The following COL14A1 variants were observed in gnomAD, a reference collection of about 807,000 sequenced individuals.
COL14A1 encodes the protein collagen alpha-1(XIV) chain.
COL14A1 carries 136 observed loss-of-function variants against 230.3 expected under a neutral mutation model. That is an observed-to-expected ratio of 0.59 (90% CI 0.51 to 0.68). The LOEUF is 0.68. Among genes scored for constraint, COL14A1 ranks in the 30% least tolerant of loss-of-function variants. COL14A1 has a pLI of 0.00. For missense variants in COL14A1, 1,976 were observed against 2,215.8 expected (o/e 0.89, Z 2.17); for synonymous variants, 792 against 784.1 (o/e 1.01, Z -0.17).
At chr8:120,176,870 C>T (rs1252331317) in intron 5 of COL14A1, among the ~76,000 whole-genome samples, 1 of 152,120 alleles carries the variant, frequency 6.6e-6, no homozygotes, top group Non-Finnish European at 1.5e-5. Context: ...CTTCCTCCCA[C>T]TTTCTCCTCC....
chr8:120,224,762 C>T (rs139218344), intron 14 of COL14A1, among the ~76,000 whole-genome samples: 16 of 152,274 alleles, frequency 1.1e-4, no homozygotes, highest in Admixed American at 5.9e-4. Flanking sequence ...GGAGAGCCCA[C>T]GCAGTGAAGC....
chr8:120,226,519 T>G, intron 15 of COL14A1, 108 bp from the exon 16 acceptor site: 1 of 1,209,730 alleles, frequency 8.3e-7, no homozygotes. Context: ...TGTGCTTTCC[T>G]AAAGCAAAAG....
intron 25 of COL14A1, among the ~76,000 whole-genome samples, chr8:120,268,758 A>G (rs1819573412): frequency 6.6e-6 from 1 of 151,766 alleles, no homozygotes; most frequent in African/African-American, 2.4e-5. Context: ...TAACTCCTTC[A>G]TGCATGTGGA....
intron 14 of COL14A1, 134 bp downstream of exon 14, chr8:120,216,624 G>A (rs1817759712): frequency 2.1e-6 from 2 of 930,236 alleles, no homozygotes; most frequent in African/African-American, 1.7e-5. Context: ...GTTCCTGTAT[G>A]TAGGTCAGGA....
intron 19 of COL14A1, 74 bp downstream of exon 19, chr8:120,231,692 C>G: frequency 6.8e-7 from 1 of 1,464,092 alleles, no homozygotes; most frequent in Non-Finnish European, 9.3e-7. Flanking sequence ...CTTCGGAGAT[C>G]AATGCAAACT....
At chr8:120,187,066 A>G (rs542268349) in intron 5 of COL14A1, among the ~76,000 whole-genome samples, 1 of 152,228 alleles carries the variant, frequency 6.6e-6, no homozygotes, top group Non-Finnish European at 1.5e-5. Flanking sequence ...AAGGATGAAT[A>G]GGAGTTTACC....
At chr8:120,178,441 G>A (rs1305246112) in intron 5 of COL14A1, among the ~76,000 whole-genome samples, 5 of 152,192 alleles carry the variant, frequency 3.3e-5, no homozygotes, top group Non-Finnish European at 7.3e-5. Context: ...GTTCCATGGT[G>A]TATATGTGCC....
chr8:120,203,958 A>T, intron 9 of COL14A1, 88 bp downstream of exon 9: 1 of 1,399,892 alleles, frequency 7.1e-7, no homozygotes, highest in South Asian at 1.5e-5. Flanking sequence ...TTCATTTTTC[A>T]TGTTGGCTTT....
At position 120,206,928 on chromosome 8, in the gene COL14A1, G is replaced by T. The variant is rs1586765705; in HGVS notation, c.1040-15G>T. On this transcript the variant is annotated splice_polypyrimidine_tract_variant and intron_variant, in intron 9 of 47. Coordinates refer to ENST00000297848, the MANE Select transcript of COL14A1 (RefSeq NM_021110.4). Reference sequence around the variant, plus strand: ...TTTGGGTAAGAGGTTTATTTGATATGTTTTTTTAATTTAGCCTCAGCCCAT... The same window carrying T: ...TTTGGGTAAGAGGTTTATTTGATATTTTTTTTTAATTTAGCCTCAGCCCAT... The T allele has an allele frequency of 6.3e-7, 1 of 1,588,138 alleles. No homozygotes were observed. Among genetic ancestry groups the T allele is most frequent in the Non-Finnish European group, 8.5e-7 (1 of 1,172,014 alleles).
At chr8:120,335,913 A>T (rs904331707) in intron 42 of COL14A1, among the ~76,000 whole-genome samples, 10 of 152,218 alleles carry the variant, frequency 6.6e-5, no homozygotes, top group African/African-American at 2.4e-4. Flanking sequence ...TCATTGAAAG[A>T]GTATTGCATT....
intron 41 of COL14A1, 50 bp from the exon 42 acceptor site, chr8:120,332,614 T>G: frequency 3.2e-3 from 4,761 of 1,466,844 alleles, no homozygotes; most frequent in Non-Finnish European, 4.1e-3. Context: ...CTGTCATTGA[T>G]GAGAATGTGT....
At chr8:120,347,781 T>C (rs1822574590) in intron 45 of COL14A1, among the ~76,000 whole-genome samples, 1 of 152,234 alleles carries the variant, frequency 6.6e-6, no homozygotes. Context: ...GTGTTGTTTT[T>C]TTCTGCTGTA....
intron 40 of COL14A1, among the ~76,000 whole-genome samples, chr8:120,321,910 A>G (rs1229646620): frequency 2.0e-5 from 3 of 152,124 alleles, no homozygotes; most frequent in Admixed American, 6.5e-5. Flanking sequence ...TTAAAAGCTT[A>G]ATGATTCTGA....
chr8:120,345,133 A>T (rs1822453462), intron 44 of COL14A1, among the ~76,000 whole-genome samples: 1 of 152,222 alleles, frequency 6.6e-6, no homozygotes, highest in African/African-American at 2.4e-5. Flanking sequence ...TGAGATGCTG[A>T]CATGAGCTGC....
intron 44 of COL14A1, among the ~76,000 whole-genome samples, chr8:120,345,114 G>A (rs751573165): frequency 1.3e-4 from 20 of 152,166 alleles, no homozygotes; most frequent in Non-Finnish European, 2.8e-4. Flanking sequence ...TCTGCTCAGT[G>A]ATGTTTATTG....
Position 120,285,890 on chromosome 8 carries a change from T to C in COL14A1, c.3997T>C (p.Tyr1333His). 1 of 1,609,036 alleles carries C rather than the reference T, an allele frequency of 6.2e-7. No individual in the cohort carries two copies. The change falls in exon 33 of 48, where the codon TAT becomes CAT. Residue 1333 changes from tyrosine (Y) to histidine (H), a missense_variant. Around this residue, in one of 3 missense-constraint regions of COL14A1, gnomAD observed 1,791 missense variants for 2,019.5 expected, o/e 0.89. Coordinates refer to ENST00000297848, the MANE Select transcript of COL14A1 (RefSeq NM_021110.4). The stretch of plus-strand genomic sequence containing the variant: ...TGGGAAAACTCTAACATATTTCAAC[T>C]ATGACCAGAGTGGGGATTTTCAAAC... ...NGGKTLTYFN[Y>H]DQSGDFQTVT... is the part of the protein sequence containing the mutation.
intron 5 of COL14A1, among the ~76,000 whole-genome samples, chr8:120,174,897 A>G (rs765153465): frequency 6.6e-6 from 1 of 152,160 alleles, no homozygotes; most frequent in Non-Finnish European, 1.5e-5. Flanking sequence ...CACTGGAGAC[A>G]AAAGATGCCC....
At chr8:120,144,207 T>TA (rs1011719528) in intron 1 of COL14A1, among the ~76,000 whole-genome samples, 18 of 152,056 alleles carry the variant, frequency 1.2e-4, no homozygotes, top group Non-Finnish European at 2.4e-4. Flanking sequence ...TTCAAGAATA[T>TA]AAAAAAACAG....
intron 34 of COL14A1, among the ~76,000 whole-genome samples, chr8:120,292,431 G>C (rs189929910): frequency 3.3e-5 from 5 of 152,154 alleles, no homozygotes; most frequent in Admixed American, 1.3e-4. Context: ...AGTCTACAAA[G>C]GATTACTAAC....
Sources: gnomAD v4.1 joint callset for allele counts (sites outside exome capture counted in the v4.1 genomes callset) on GRCh38, gnomAD v4.1.1 for gene constraint, gnomAD v4.1.1 regional missense constraint, MANE v1.5 for transcripts, NCBI Gene and HGNC (gene_info 2026-07-23, HGNC 2026-07-21) for gene names.